The following ARL15 variants were observed in gnomAD, a reference collection of about 807,000 sequenced individuals.
The protein encoded by ARL15 is ARF like GTPase 15.
In ARL15, 19 loss-of-function variants were observed where a neutral mutation model predicts 25.2. The ratio of observed to expected loss-of-function variants is 0.75; its 90% CI spans 0.53 to 1.10. ARL15 has a LOEUF of 1.10. Ranked by LOEUF, ARL15 falls within the 50% of genes least tolerant of loss-of-function variation. The probability of loss-of-function intolerance (pLI) is 0.00; values close to 1 mark genes in which losing one functional copy is unlikely to be tolerated. For synonymous variants in ARL15, 94 were observed against 86.8 expected, an observed-to-expected ratio of 1.08 and a Z score of -0.46; for missense variants, 220 against 246.0, an observed-to-expected ratio of 0.89 and a Z score of 0.71.
intron 4 of ARL15, among the ~76,000 whole-genome samples, chr5:53,906,658 G>A (rs1580067101): frequency 6.6e-6 from 1 of 152,124 alleles, no homozygotes; most frequent in African/African-American, 2.4e-5. Context: ...TTCCCTAAAT[G>A]AGCAAATCAC....
In ARL15 at chr5:53,988,617, G is replaced by A. The variant is rs142783533; in HGVS notation, c.463-101904C>T. Reference sequence around the variant, plus strand: ...TAATTTATTACTGAATACATTTTGCGTGCCTAAAATGACCAGGATACTCTC... The same window carrying A: ...TAATTTATTACTGAATACATTTTGCATGCCTAAAATGACCAGGATACTCTC... On this transcript the variant is annotated intron_variant, in intron 4 of 4. Coordinates refer to ENST00000504924, the MANE Select transcript of ARL15 (RefSeq NM_019087.3). 1.2e-3 allele frequency among the ~76,000 whole-genome samples: 186 copies of A among 152,166 alleles called. 1 individual carries two copies. The highest frequency in any genetic ancestry group is 1.7e-3 in the Non-Finnish European group (117 of 68,014).
intron 2 of ARL15, among the ~76,000 whole-genome samples, chr5:54,166,828 T>G (rs1349858158): frequency 1.3e-5 from 2 of 152,332 alleles, no homozygotes; most frequent in African/African-American, 2.4e-5. Flanking sequence ...ATTCTCATTA[T>G]GAATCATGAT....
chr5:53,893,514 A>C (rs889654703), intron 4 of ARL15, among the ~76,000 whole-genome samples: 1 of 152,274 alleles, frequency 6.6e-6, no homozygotes, highest in South Asian at 2.1e-4. Flanking sequence ...AGGCTGAGGC[A>C]GGAGAATGGC....
intron 4 of ARL15, among the ~76,000 whole-genome samples, chr5:53,933,296 A>G (rs571817662): frequency 3.9e-4 from 59 of 152,328 alleles, no homozygotes; most frequent in South Asian, 8.3e-4. Flanking sequence ...TGTAGTTTGA[A>G]TAGCATTCTT....
chr5:53,903,696 C>T (rs1745142015), intron 4 of ARL15, among the ~76,000 whole-genome samples: 1 of 152,184 alleles, frequency 6.6e-6, no homozygotes, highest in Non-Finnish European at 1.5e-5. Context: ...CCAGGAGCTC[C>T]GTCCAGGAGC....
At chr5:54,053,451 C>G (rs1052850499) in intron 4 of ARL15, among the ~76,000 whole-genome samples, 2 of 151,692 alleles carry the variant, frequency 1.3e-5, no homozygotes, top group African/African-American at 4.8e-5. Context: ...GTATGGCTCT[C>G]TAAGTATGAC....
intron 4 of ARL15, among the ~76,000 whole-genome samples, chr5:54,029,333 TACCACCACCACCACCACC>T (rs34152775): frequency 1.1e-4 from 10 of 94,686 alleles, no homozygotes; most frequent in East Asian, 2.5e-4. Context: ...CCACCACCAC[TACCACCACCACCACCACC>T]ACCACCACCA....
chr5:54,234,946 C>T (rs1371789354), intron 1 of ARL15, among the ~76,000 whole-genome samples: 2 of 151,956 alleles, frequency 1.3e-5, no homozygotes, highest in Admixed American at 6.6e-5. Flanking sequence ...TAGTTCATAA[C>T]TAAATGCAAA....
intron 4 of ARL15, among the ~76,000 whole-genome samples, chr5:54,107,362 C>G (rs1271598913): frequency 1.3e-5 from 2 of 152,082 alleles, no homozygotes; most frequent in East Asian, 3.9e-4. Flanking sequence ...GGTACATAAG[C>G]ATAAGTGAGT....
chr5:54,018,207 A>AT (rs753838453), intron 4 of ARL15, among the ~76,000 whole-genome samples: 233 of 151,322 alleles, frequency 1.5e-3, no homozygotes, highest in Non-Finnish European at 2.4e-3. Context: ...TCAAATGCAC[A>AT]TTTTTTTTTC....
chr5:54,271,803 G>A (rs376426904), intron 1 of ARL15, among the ~76,000 whole-genome samples: 11 of 152,212 alleles, frequency 7.2e-5, no homozygotes, highest in African/African-American at 2.6e-4. Context: ...TTAAGTCACT[G>A]TTTAAATAAG....
intron 4 of ARL15, among the ~76,000 whole-genome samples, chr5:53,977,032 GA>G (rs952703493): frequency 1.3e-5 from 2 of 152,122 alleles, no homozygotes; most frequent in African/African-American, 4.8e-5. Flanking sequence ...ATTATAATGT[GA>G]AAACTAGGAA....
At chr5:53,918,940 T>C (rs1258419180) in intron 4 of ARL15, among the ~76,000 whole-genome samples, 1 of 152,196 alleles carries the variant, frequency 6.6e-6, no homozygotes, top group Non-Finnish European at 1.5e-5. Flanking sequence ...TATACAATTA[T>C]TTTATAACTT....
chr5:54,028,663 C>T (rs1007533147), intron 4 of ARL15, among the ~76,000 whole-genome samples: 1 of 152,076 alleles, frequency 6.6e-6, no homozygotes, highest in African/African-American at 2.4e-5. Context: ...CCATTGAAGG[C>T]AAAGAGCAGA....
chr5:53,906,267 G>C (rs910351473), intron 4 of ARL15, among the ~76,000 whole-genome samples: 1 of 152,112 alleles, frequency 6.6e-6, no homozygotes, highest in Non-Finnish European at 1.5e-5. Context: ...CCATGAGAAG[G>C]GGCAATCTTC....
intron 4 of ARL15, among the ~76,000 whole-genome samples, chr5:53,968,359 A>G (rs1561169991): frequency 1.3e-5 from 2 of 152,204 alleles, no homozygotes; most frequent in Admixed American, 6.5e-5. Context: ...TAAAATGCCA[A>G]GCTAATTTTA....
chr5:54,302,683 ATTTTTTTT>A (rs372704359), intron 1 of ARL15, among the ~76,000 whole-genome samples: 3 of 77,860 alleles, frequency 3.9e-5, no homozygotes, highest in African/African-American at 5.1e-5. Context: ...TAAAATTAAG[ATTTTTTTT>A]TTTTTTTTTT....
intron 1 of ARL15, among the ~76,000 whole-genome samples, chr5:54,236,059 T>A (rs1468000205): frequency 6.6e-6 from 1 of 152,066 alleles, no homozygotes; most frequent in Admixed American, 6.5e-5. Context: ...GAAAAGAAAA[T>A]TTTTTAAATG....
At chr5:53,964,603 G>A (rs551382385) in intron 4 of ARL15, among the ~76,000 whole-genome samples, 11 of 152,068 alleles carry the variant, frequency 7.2e-5, no homozygotes, top group South Asian at 2.1e-4. Context: ...CTCGTGATCC[G>A]CCCACCTTGG....
Sources: gnomAD v4.1 joint callset for allele counts (sites outside exome capture counted in the v4.1 genomes callset) on GRCh38, gnomAD v4.1.1 for gene constraint, MANE v1.5 for transcripts, NCBI Gene and HGNC (gene_info 2026-07-23, HGNC 2026-07-21) for gene names.